CA10: variants seen among roughly 807,000 people sequenced by gnomAD.
CA10 encodes the protein carbonic anhydrase 10 (inactive), also known as carbonic anhydrase-related protein 10.
CA10 carries 14 observed loss-of-function variants against 44.2 expected under a neutral mutation model. That is an observed-to-expected ratio of 0.32 (90% CI 0.21 to 0.50). The LOEUF (loss-of-function observed/expected upper bound fraction) is 0.50. CA10 is among the 20% of genes least tolerant of loss of function. The pLI is 0.99. For synonymous variants in CA10, 159 were observed against 141.6 expected (o/e 1.12, Z -0.87); for missense variants, 350 against 409.7 (o/e 0.85, Z 1.26).
chr17:52,057,582 T>A (rs1334068597), intron 2 of CA10, among the ~76,000 whole-genome samples: 1 of 152,076 alleles, frequency 6.6e-6, no homozygotes, highest in Non-Finnish European at 1.5e-5. Context: ...GTCAAAGTTA[T>A]ACATGGATTT....
chr17:51,799,215 G>C (rs1906834237), intron 3 of CA10, among the ~76,000 whole-genome samples: 1 of 152,178 alleles, frequency 6.6e-6, no homozygotes, highest in Non-Finnish European at 1.5e-5. Context: ...TTAAGACACT[G>C]TCTTATATCA....
chr17:52,008,229 A>C (rs1271836554), intron 2 of CA10, among the ~76,000 whole-genome samples: 1 of 151,814 alleles, frequency 6.6e-6, no homozygotes, highest in Admixed American at 6.6e-5. Context: ...CATTTGAGGA[A>C]AACTATTACA....
intron 3 of CA10, among the ~76,000 whole-genome samples, chr17:51,786,128 T>A (rs1906264284): frequency 6.6e-6 from 1 of 152,236 alleles, no homozygotes; most frequent in Non-Finnish European, 1.5e-5. Context: ...ATTGTTGGCA[T>A]ATAGAAATGC....
chr17:51,665,706 A>G (rs1026177218), intron 4 of CA10, among the ~76,000 whole-genome samples: 5 of 152,216 alleles, frequency 3.3e-5, no homozygotes, highest in Non-Finnish European at 7.3e-5. Context: ...AGGCAATTGT[A>G]TTGCACACAG....
chr17:51,947,369 A>T (rs1216131940), intron 2 of CA10, among the ~76,000 whole-genome samples: 3 of 152,068 alleles, frequency 2.0e-5, no homozygotes, highest in African/African-American at 7.2e-5. Flanking sequence ...AGGTTCACAT[A>T]CCTGAGGTTT....
In CA10 at chr17:51,679,273, T is replaced by G. The variant is rs539612567; in HGVS notation, c.466-25537A>C. On this transcript the variant is annotated intron_variant, in intron 4 of 8. Transcript: ENST00000451037. Reference sequence around the variant, plus strand: ...GACTGTTTTTCTTTCTCTTTTTTTTTTTTTGGGATGGAGTCTCGCTCTGTC... The same window carrying G: ...GACTGTTTTTCTTTCTCTTTTTTTTGTTTTGGGATGGAGTCTCGCTCTGTC... 7.0e-4 allele frequency among the ~76,000 whole-genome samples: 100 copies of G among 142,058 alleles called. 1 individual carries two copies. The Middle Eastern group carries it at 0.011, about 16-fold the overall frequency. 93.2% of individuals were successfully genotyped at this position (142,058 alleles called of 152,430 possible).
chr17:52,096,029 TC>T (rs1462773234), intron 1 of CA10, among the ~76,000 whole-genome samples: 1 of 152,146 alleles, frequency 6.6e-6, no homozygotes, highest in African/African-American at 2.4e-5. Context: ...CTTTGCCCCC[TC>T]ACCTCTAAAA....
chr17:51,885,493 T>A (rs1178100163), intron 3 of CA10, among the ~76,000 whole-genome samples: 2 of 152,168 alleles, frequency 1.3e-5, no homozygotes, highest in Admixed American at 6.5e-5. Flanking sequence ...TCTACTCCTC[T>A]TTTCCTCTAC....
chr17:51,931,860 C>T lies in CA10; in HGVS notation c.137-728G>A, dbSNP rs7225987. Among the ~76,000 whole-genome samples, 187 of 152,268 alleles carry T rather than the reference C, an allele frequency of 1.2e-3. 1 individual carries two copies. Among genetic ancestry groups the T allele is most frequent in the Non-Finnish European group, 2.1e-3 (140 of 68,000 alleles). ...TTAGAATGTATTTCTGTGGCAATTT[C>T]CAGTTCGATTTCTCTCTATTTAAGA... On this transcript the variant is annotated intron_variant, in intron 2 of 8. Transcript: ENST00000451037.
chr17:52,040,768 A>G (rs1986746384), intron 2 of CA10, among the ~76,000 whole-genome samples: 2 of 152,108 alleles, frequency 1.3e-5, no homozygotes, highest in South Asian at 4.2e-4. Context: ...GCTAGAAATC[A>G]TGGTGCAAGT....
At chr17:52,034,551 G>A (rs1453064635) in intron 2 of CA10, among the ~76,000 whole-genome samples, 1 of 152,100 alleles carries the variant, frequency 6.6e-6, no homozygotes, top group Admixed American at 6.6e-5. Context: ...TGATAGAGCT[G>A]GGGGATGGTT....
At chr17:51,909,172 G>A (rs1019048702) in intron 3 of CA10, among the ~76,000 whole-genome samples, 1 of 152,108 alleles carries the variant, frequency 6.6e-6, no homozygotes, top group Non-Finnish European at 1.5e-5. Context: ...GAAGGTGAAA[G>A]GTGTACTGAG....
intron 2 of CA10, among the ~76,000 whole-genome samples, chr17:52,020,841 T>C (rs1391638967): frequency 6.6e-6 from 1 of 152,064 alleles, no homozygotes; most frequent in Non-Finnish European, 1.5e-5. Context: ...AGTTCTATTG[T>C]TGCCATCTTT....
chr17:51,918,180 G>T (rs1045538363), intron 3 of CA10, among the ~76,000 whole-genome samples: 3 of 152,162 alleles, frequency 2.0e-5, no homozygotes, highest in Non-Finnish European at 4.4e-5. Flanking sequence ...GCATTAAATA[G>T]CAACATACTA....
Position 51,957,918 on chromosome 17 carries a change from G to T in CA10, c.137-26786C>A, listed in dbSNP as rs182737905. 3.3e-5 allele frequency among the ~76,000 whole-genome samples: 5 copies of T among 152,070 alleles called. 1 individual carries two copies. The highest frequency in any genetic ancestry group is 3.3e-4 in the Admixed American group (5 of 15,274). On this transcript the variant is annotated intron_variant, in intron 2 of 8. Coordinates refer to ENST00000451037, the MANE Select transcript of CA10 (RefSeq NM_020178.5). Reference sequence around the variant, plus strand: ...ACCTTTCTCACTCCCCCCGAGAGGGGTGAATCATCCCTCCCTTGTGTATAT... The same window carrying T: ...ACCTTTCTCACTCCCCCCGAGAGGGTTGAATCATCCCTCCCTTGTGTATAT...
chr17:51,829,833 G>A (rs763940109), intron 3 of CA10, among the ~76,000 whole-genome samples: 4 of 152,148 alleles, frequency 2.6e-5, no homozygotes, highest in Non-Finnish European at 4.4e-5. Context: ...TAGAACATAA[G>A]GTGTTTCAAA....
intron 7 of CA10, among the ~76,000 whole-genome samples, chr17:51,634,936 C>G (rs1912756674): frequency 6.6e-6 from 1 of 152,154 alleles, no homozygotes; most frequent in South Asian, 2.1e-4. Flanking sequence ...CCCACTGAGA[C>G]AGTTGAGATG....
chr17:52,141,194 C>T (rs1052550570), intron 1 of CA10, among the ~76,000 whole-genome samples: 3 of 152,094 alleles, frequency 2.0e-5, no homozygotes, highest in Non-Finnish European at 2.9e-5. Context: ...CTGGATGGGA[C>T]CAGAGCTACT....
intron 3 of CA10, among the ~76,000 whole-genome samples, chr17:51,752,504 G>T (rs1904923444): frequency 6.6e-6 from 1 of 152,042 alleles, no homozygotes; most frequent in Non-Finnish European, 1.5e-5. Context: ...GTAAGCGGGG[G>T]CTGGTGAAGG....
Sources: gnomAD v4.1 joint callset for allele counts (sites outside exome capture counted in the v4.1 genomes callset) on GRCh38, gnomAD v4.1.1 for gene constraint, MANE v1.5 for transcripts, NCBI Gene and HGNC (gene_info 2026-07-23, HGNC 2026-07-21) for gene names.